The following LRRFIP2 variants were observed in gnomAD, a reference collection of about 807,000 sequenced individuals.
The protein encoded by LRRFIP2 is leucine-rich repeat flightless-interacting protein 2.
In LRRFIP2, 109 loss-of-function variants were observed where a neutral mutation model predicts 125.9. The ratio of observed to expected loss-of-function variants is 0.87; its 90% CI spans 0.74 to 1.01. The LOEUF is 1.01. LRRFIP2 is among the 50% of genes least tolerant of loss of function. The pLI is 0.00. For missense variants in LRRFIP2, 850 were observed against 862.3 expected, an observed-to-expected ratio of 0.99 and a Z score of 0.18; for synonymous variants, 291 against 293.1, an observed-to-expected ratio of 0.99 and a Z score of 0.07.
chr3:37,135,698 C>T (rs2095541034), intron 2 of LRRFIP2, among the ~76,000 whole-genome samples: 3 of 152,214 alleles, frequency 2.0e-5, no homozygotes, highest in East Asian at 3.9e-4. Context: ...AGATGCTCAA[C>T]ATCATTAGTC....
chr3:37,155,014 C>A (rs935200842), intron 1 of LRRFIP2, among the ~76,000 whole-genome samples: 1 of 152,138 alleles, frequency 6.6e-6, no homozygotes, highest in South Asian at 2.1e-4. Flanking sequence ...TAAACAAATC[C>A]CAGTATATGG....
chr3:37,058,640 A>C (rs1042646499), intron 25 of LRRFIP2, 150 bp downstream of exon 25: 5 of 772,264 alleles, frequency 6.5e-6, no homozygotes, highest in Non-Finnish European at 1.0e-5. Context: ...GCACCACTGC[A>C]CTCTGACCTG....
chr3:37,082,204 G>T (rs2092702065), intron 19 of LRRFIP2, among the ~76,000 whole-genome samples: 1 of 152,072 alleles, frequency 6.6e-6, no homozygotes, highest in Non-Finnish European at 1.5e-5. Context: ...GGAAAAGCAT[G>T]ATGGCTCAGA....
At chr3:37,095,019 G>A in intron 16 of LRRFIP2, 111 bp from the exon 17 acceptor site, 2 of 722,512 alleles carry the variant, frequency 2.8e-6, no homozygotes, top group Non-Finnish European at 5.0e-6. Flanking sequence ...TTCAGATGAA[G>A]AAGTTACCAT....
chr3:37,168,286 T>C (rs115355522), intron 1 of LRRFIP2, among the ~76,000 whole-genome samples: 1,636 of 152,286 alleles, frequency 0.011, 10 homozygotes, highest in Non-Finnish European at 0.018. Flanking sequence ...AAACAACCCA[T>C]CTATCAAAAG....
intron 18 of LRRFIP2, among the ~76,000 whole-genome samples, chr3:37,085,417 A>G (rs1026635796): frequency 2.0e-5 from 3 of 151,650 alleles, no homozygotes; most frequent in African/African-American, 7.3e-5. Context: ...GCTACTCAGG[A>G]GGCTGAGGCA....
intron 2 of LRRFIP2, among the ~76,000 whole-genome samples, chr3:37,143,042 G>A (rs954223341): frequency 2.0e-5 from 3 of 151,954 alleles, no homozygotes; most frequent in African/African-American, 7.3e-5. Flanking sequence ...TTGCGCTCTC[G>A]TTTCCACTCT....
chr3:37,154,190 A>G (rs1161536333), intron 1 of LRRFIP2, among the ~76,000 whole-genome samples: 2 of 152,154 alleles, frequency 1.3e-5, no homozygotes, highest in African/African-American at 4.8e-5. Flanking sequence ...AAGAAAAAAA[A>G]GAAGGAAAGA....
chr3:37,074,606 C>T (rs546314092), intron 20 of LRRFIP2, among the ~76,000 whole-genome samples: 7 of 152,222 alleles, frequency 4.6e-5, no homozygotes, highest in South Asian at 4.1e-4. Context: ...TTGTACAGAA[C>T]GTATCTTGAT....
chr3:37,083,288 A>G (rs1178973035), intron 19 of LRRFIP2, among the ~76,000 whole-genome samples: 1 of 151,018 alleles, frequency 6.6e-6, no homozygotes, highest in African/African-American at 2.5e-5. Context: ...CATCCTATTG[A>G]GAGTCTTTGG....
chr3:37,110,028 T>C (rs1251088392), intron 9 of LRRFIP2, among the ~76,000 whole-genome samples: 2 of 152,046 alleles, frequency 1.3e-5, no homozygotes, highest in Non-Finnish European at 2.9e-5. Flanking sequence ...AAGAGGGTCA[T>C]GGTACCGGGA....
chr3:37,148,973 G>C lies in LRRFIP2; in HGVS notation c.11C>G (p.Pro4Arg), dbSNP rs1462806951. Residue 4 changes from proline to arginine, a missense_variant, in exon 2 of 28, where the codon CCT (proline) becomes CGT (arginine). By Grantham distance (103) the Pro-to-Arg change is moderately radical. Transcript: ENST00000336686. The stretch of plus-strand genomic sequence containing the variant: ...AGGTGTTCTTTTCCTTCCAGAAGCA[G>C]GAGTCCCCATCTTGTGTTCTTAATA... MGT[P>R]ASGRKRTPVK... 6.2e-7 allele frequency: 1 copy of C among 1,613,968 alleles called. No individual in the cohort carries two copies.
At chr3:37,155,401 GC>G (rs2096156692) in intron 1 of LRRFIP2, among the ~76,000 whole-genome samples, 1 of 152,160 alleles carries the variant, frequency 6.6e-6, no homozygotes, top group Non-Finnish European at 1.5e-5. Flanking sequence ...ATTAAACCAT[GC>G]TAAGAGTTTC....
chr3:37,146,820 T>A (rs1560064127), intron 2 of LRRFIP2, among the ~76,000 whole-genome samples: 2 of 151,954 alleles, frequency 1.3e-5, no homozygotes, highest in South Asian at 4.2e-4. Context: ...AGGCAAAAAA[T>A]TTCATGTTCA....
chr3:37,054,700 G>A (rs2086298486), intron 26 of LRRFIP2, among the ~76,000 whole-genome samples, 185 bp from the exon 27 acceptor site: 1 of 152,122 alleles, frequency 6.6e-6, no homozygotes, highest in African/African-American at 2.4e-5. Context: ...TCCCCAGAGA[G>A]GATTACAGCT....
intron 2 of LRRFIP2, among the ~76,000 whole-genome samples, chr3:37,132,410 C>A (rs1001347499): frequency 6.6e-6 from 1 of 152,112 alleles, no homozygotes; most frequent in South Asian, 2.1e-4. Flanking sequence ...TAAAACCCAA[C>A]TTAGAGATAA....
At chr3:37,058,531 C>T (rs1339501580) in intron 25 of LRRFIP2, among the ~76,000 whole-genome samples, 6 of 151,940 alleles carry the variant, frequency 3.9e-5, no homozygotes, top group African/African-American at 1.5e-4. Context: ...AAAAACTAGC[C>T]GGGCATGGTG....
At chr3:37,061,637 T>G (rs557059461) in intron 24 of LRRFIP2, among the ~76,000 whole-genome samples, 4 of 152,220 alleles carry the variant, frequency 2.6e-5, no homozygotes, top group African/African-American at 9.6e-5. Flanking sequence ...ACCACCTGCC[T>G]CAGCCTCCAA....
chr3:37,071,178 G>A (rs1427640622), intron 21 of LRRFIP2, among the ~76,000 whole-genome samples: 1 of 152,190 alleles, frequency 6.6e-6, no homozygotes, highest in East Asian at 1.9e-4. Flanking sequence ...TTGAAAGTCA[G>A]AGAATTATCT....
Sources: gnomAD v4.1 joint callset for allele counts (sites outside exome capture counted in the v4.1 genomes callset) on GRCh38, gnomAD v4.1.1 for gene constraint, MANE v1.5 for transcripts, NCBI Gene and HGNC (gene_info 2026-07-23, HGNC 2026-07-21) for gene names.